Variants in FAM168A observed in about 807,000 individuals in gnomAD.
The protein encoded by FAM168A is family with sequence similarity 168 member A, also known as protein FAM168A.
A neutral mutation model predicts 28.5 loss-of-function variants in FAM168A; 3 were observed. The observed-to-expected ratio is 0.11, with a 90% CI of 0.05 to 0.27. The LOEUF (loss-of-function observed/expected upper bound fraction) is 0.27, where lower values mean the gene tolerates loss of function less well. Ranked by LOEUF, FAM168A falls within the 10% of genes least tolerant of loss-of-function variation. The pLI, the probability that FAM168A is intolerant of heterozygous loss-of-function variation, is 1.00. For synonymous variants in FAM168A, 122 were observed against 124.2 expected, an observed-to-expected ratio of 0.98 and a Z score of 0.12; for missense variants, 222 against 311.5, an observed-to-expected ratio of 0.71 and a Z score of 2.16.
chr11:73,418,265 A>C (rs1368251476), intron 4 of FAM168A, among the ~76,000 whole-genome samples: 1 of 152,200 alleles, frequency 6.6e-6, no homozygotes, highest in Non-Finnish European at 1.5e-5. Context: ...ACTGGATCAC[A>C]GAGGTAGATC....
chr11:73,536,130 G>A (rs1943577394), intron 1 of FAM168A, among the ~76,000 whole-genome samples: 2 of 152,126 alleles, frequency 1.3e-5, no homozygotes, highest in African/African-American at 4.8e-5. Context: ...ACAGGTGTGA[G>A]CCATCACACT....
At chr11:73,526,194 T>C (rs1943444304) in intron 1 of FAM168A, among the ~76,000 whole-genome samples, 1 of 152,180 alleles carries the variant, frequency 6.6e-6, no homozygotes, top group Non-Finnish European at 1.5e-5. Context: ...GTATAAAATG[T>C]ATAATAAATG....
chr11:73,438,783 C>T (rs186428306), intron 2 of FAM168A, among the ~76,000 whole-genome samples: 4 of 152,184 alleles, frequency 2.6e-5, no homozygotes, highest in Non-Finnish European at 4.4e-5. Context: ...AAAGCTAAAA[C>T]ACTAGCAATA....
At chr11:73,568,372 G>A (rs1362700862) in intron 1 of FAM168A, among the ~76,000 whole-genome samples, 1 of 152,084 alleles carries the variant, frequency 6.6e-6, no homozygotes, top group Non-Finnish European at 1.5e-5. Context: ...GACACTCTTA[G>A]GTGAGGGGTT....
intron 1 of FAM168A, among the ~76,000 whole-genome samples, chr11:73,547,134 AAGG>A (rs1455156419): frequency 1.3e-5 from 2 of 148,348 alleles, no homozygotes; most frequent in African/African-American, 4.9e-5. Flanking sequence ...AAGAAAGAAA[AAGG>A]AGGAGGAGTA....
chr11:73,510,251 G>A (rs139110694), intron 1 of FAM168A, among the ~76,000 whole-genome samples: 1 of 152,216 alleles, frequency 6.6e-6, no homozygotes, highest in African/African-American at 2.4e-5. Context: ...TGCAAAACCT[G>A]ATAATAACCA....
chr11:73,531,237 T>A (rs566218175), intron 1 of FAM168A, among the ~76,000 whole-genome samples: 2 of 152,226 alleles, frequency 1.3e-5, no homozygotes, highest in Non-Finnish European at 2.9e-5. Flanking sequence ...AATAAACCTG[T>A]AGCCAAGGCT....
At chr11:73,560,923 T>C (rs1198556558) in intron 1 of FAM168A, among the ~76,000 whole-genome samples, 1 of 151,816 alleles carries the variant, frequency 6.6e-6, no homozygotes, top group Non-Finnish European at 1.5e-5. Flanking sequence ...TAGCCAGGCA[T>C]GGTGGCACAC....
intron 4 of FAM168A, among the ~76,000 whole-genome samples, chr11:73,415,960 T>C (rs1866687710): frequency 6.6e-6 from 1 of 152,186 alleles, no homozygotes; most frequent in African/African-American, 2.4e-5. Context: ...TTTCCCCAAA[T>C]TGTACAGCAC....
At chr11:73,518,230 C>T (rs1480688684) in intron 1 of FAM168A, among the ~76,000 whole-genome samples, 1 of 152,026 alleles carries the variant, frequency 6.6e-6, no homozygotes, top group Non-Finnish European at 1.5e-5. Flanking sequence ...ATATGCAGTA[C>T]CCAGCTAGGA....
intron 1 of FAM168A, among the ~76,000 whole-genome samples, chr11:73,587,152 TAAAAAA>T (rs1158411875): frequency 7.4e-5 from 6 of 81,388 alleles, no homozygotes; most frequent in African/African-American, 1.5e-4. Flanking sequence ...ATGGACATGT[TAAAAAA>T]AAAAAAAAAA....
chr11:73,478,087 A>G (rs943003130), intron 1 of FAM168A, among the ~76,000 whole-genome samples: 19 of 152,230 alleles, frequency 1.2e-4, no homozygotes, highest in African/African-American at 3.6e-4. Context: ...CATAAAAACA[A>G]GAGTCCAAAG....
At chr11:73,422,121 G>A (rs912017450) in intron 3 of FAM168A, among the ~76,000 whole-genome samples, 4 of 152,126 alleles carry the variant, frequency 2.6e-5, no homozygotes, top group African/African-American at 9.7e-5. Context: ...CGCACACAAG[G>A]TACTTATGGT....
At chr11:73,464,579 G>C (rs1032234697) in intron 2 of FAM168A, among the ~76,000 whole-genome samples, 3 of 152,060 alleles carry the variant, frequency 2.0e-5, no homozygotes, top group Non-Finnish European at 4.4e-5. Context: ...ATGAAGAGAA[G>C]GGAGAACACT....
chr11:73,540,067 C>T (rs994483838), intron 1 of FAM168A, among the ~76,000 whole-genome samples: 1 of 152,204 alleles, frequency 6.6e-6, no homozygotes, highest in African/African-American at 2.4e-5. Context: ...TACTCATCAA[C>T]TTCTAAATCA....
chr11:73,490,790 C>T (rs1472196401), intron 1 of FAM168A, among the ~76,000 whole-genome samples: 2 of 152,184 alleles, frequency 1.3e-5, no homozygotes, highest in African/African-American at 4.8e-5. Context: ...TCCTCTTTCC[C>T]ACATATCTAT....
At chr11:73,446,251 GA>G (rs1265344708) in intron 2 of FAM168A, among the ~76,000 whole-genome samples, 1 of 152,104 alleles carries the variant, frequency 6.6e-6, no homozygotes, top group African/African-American at 2.4e-5. Context: ...ATTATAACAG[GA>G]AGTCTAAAAG....
chr11:73,431,213 G>A (rs1053734011), intron 2 of FAM168A, among the ~76,000 whole-genome samples: 13 of 151,918 alleles, frequency 8.6e-5, no homozygotes. Flanking sequence ...GTGGTGGTGG[G>A]CGCCTGTGGT....
chr11:73,550,571 C>G (rs764520955), intron 1 of FAM168A, among the ~76,000 whole-genome samples: 1 of 152,078 alleles, frequency 6.6e-6, no homozygotes, highest in Admixed American at 6.5e-5. Context: ...GGGAAGATCA[C>G]CTGAGACTGG....
Sources: allele counts gnomAD v4.1 joint callset (sites outside exome capture counted in the v4.1 genomes callset), GRCh38; gene constraint gnomAD v4.1.1; transcripts MANE v1.5; gene names NCBI Gene and HGNC (gene_info 2026-07-23, HGNC 2026-07-21).